The following TEX14 variants were observed in gnomAD, a reference collection of about 807,000 sequenced individuals.
TEX14 encodes the protein inactive serine/threonine-protein kinase TEX14.
TEX14 carries 168 observed loss-of-function variants against 178.6 expected under a neutral mutation model. The ratio of observed to expected loss-of-function variants is 0.94; its 90% CI spans 0.83 to 1.07. The LOEUF is 1.07. TEX14 is among the 50% of genes least tolerant of loss of function. The pLI, the probability that TEX14 is intolerant of heterozygous loss-of-function variation, is 0.00. For missense variants in TEX14, 1,730 were observed against 1,753.6 expected (o/e 0.99, Z 0.24); for synonymous variants, 626 against 634.1 (o/e 0.99, Z 0.19).
At chr17:58,580,419 C>T (rs567923739) in intron 19 of TEX14, among the ~76,000 whole-genome samples, 1 of 152,302 alleles carries the variant, frequency 6.6e-6, no homozygotes, top group East Asian at 1.9e-4. Flanking sequence ...TCAAGCAATT[C>T]TCCTGCCTCA....
chr17:58,616,912 T>C (rs2045885681), intron 6 of TEX14, among the ~76,000 whole-genome samples: 2 of 152,174 alleles, frequency 1.3e-5, no homozygotes, highest in African/African-American at 2.4e-5. Flanking sequence ...AAATCTGATA[T>C]TCCTCCTCTC....
intron 2 of TEX14, among the ~76,000 whole-genome samples, chr17:58,642,538 T>A (rs2046599100): frequency 6.7e-6 from 1 of 149,072 alleles, no homozygotes; most frequent in African/African-American, 2.5e-5. Context: ...TTTTATTTAT[T>A]TTTTTTTTTA....
intron 24 of TEX14, 50 bp downstream of exon 24, chr17:58,571,871 G>T: frequency 6.5e-7 from 1 of 1,526,856 alleles, no homozygotes; most frequent in Non-Finnish European, 9.1e-7. Context: ...GGGTCACTGG[G>T]CCCTTTGGGC....
At chr17:58,659,958 A>G (rs1010594205) in intron 1 of TEX14, among the ~76,000 whole-genome samples, 3 of 150,118 alleles carry the variant, frequency 2.0e-5, no homozygotes, top group African/African-American at 7.3e-5. Context: ...CGGCCTCCCA[A>G]AGTGCTGGGA....
chr17:58,684,829 A>G (rs2047565004), intron 1 of TEX14, among the ~76,000 whole-genome samples: 1 of 151,676 alleles, frequency 6.6e-6, no homozygotes, highest in African/African-American at 2.4e-5. Flanking sequence ...TACAAAAATT[A>G]GCTGGGCGTG....
intron 28 of TEX14, among the ~76,000 whole-genome samples, chr17:58,563,660 G>T (rs3890956): frequency 0.074 from 1,461 of 19,868 alleles, 1 homozygote; most frequent in East Asian, 0.13. Context: ...TATATATATA[G>T]AGAGAGAGAG....
At chr17:58,644,051 C>G (rs796894841) in intron 2 of TEX14, among the ~76,000 whole-genome samples, 5 of 151,960 alleles carry the variant, frequency 3.3e-5, no homozygotes, top group African/African-American at 1.2e-4. Context: ...CCAAAAAGAC[C>G]AAGCTATGAT....
chr17:58,621,333 G>A (rs1321835697), intron 5 of TEX14, among the ~76,000 whole-genome samples: 2 of 152,218 alleles, frequency 1.3e-5, no homozygotes, highest in South Asian at 2.1e-4. Context: ...CCAGCCAGGT[G>A]TCCTGCTGGG....
intron 25 of TEX14, among the ~76,000 whole-genome samples, chr17:58,570,028 T>C (rs1466632504): frequency 6.6e-6 from 1 of 152,128 alleles, no homozygotes; most frequent in Non-Finnish European, 1.5e-5. Context: ...ACTACATATA[T>C]TTATGAACAA....
At chr17:58,586,412 T>A (rs1243092406) in intron 17 of TEX14, among the ~76,000 whole-genome samples, 1 of 152,192 alleles carries the variant, frequency 6.6e-6, no homozygotes, top group African/African-American at 2.4e-5. Context: ...TCTTAGTGTG[T>A]AATAATAGAA....
chr17:58,576,465 G>A (rs573659520), intron 21 of TEX14, among the ~76,000 whole-genome samples: 5 of 151,538 alleles, frequency 3.3e-5, no homozygotes, highest in Non-Finnish European at 7.4e-5. Flanking sequence ...CTGAGATCAC[G>A]CCACTGCAGT....
intron 2 of TEX14, among the ~76,000 whole-genome samples, chr17:58,647,678 T>C (rs868021748): frequency 4.2e-4 from 64 of 151,710 alleles, no homozygotes; most frequent in Admixed American, 3.3e-4. Flanking sequence ...CAAATTCCAA[T>C]TTCTTTCTTT....
At chr17:58,669,499 G>A (rs888092071) in intron 1 of TEX14, among the ~76,000 whole-genome samples, 4 of 151,866 alleles carry the variant, frequency 2.6e-5, no homozygotes, top group Non-Finnish European at 4.4e-5. Flanking sequence ...TTCGGAGGCC[G>A]AGGTTAAGTG....
intron 24 of TEX14, among the ~76,000 whole-genome samples, chr17:58,571,239 T>C (rs28570278): frequency 6.8e-6 from 1 of 148,016 alleles, no homozygotes; most frequent in African/African-American, 2.5e-5. Context: ...TCTTTTCTTT[T>C]TTTTTTTTTT....
At chr17:58,557,901 C>A in intron 30 of TEX14, 51 bp from the exon 31 acceptor site, 1 of 1,438,414 alleles carries the variant, frequency 7.0e-7, no homozygotes, top group South Asian at 1.2e-5. Context: ...ATTTCTAGGT[C>A]AAAGGGTGCC....
rs1390007833 is a variant in TEX14, at chr17:58,593,588, C to T, written c.2543G>A (p.Ser848Asn). 1 of 1,614,136 alleles carries T rather than the reference C, an allele frequency of 6.2e-7. No individual in the cohort carries two copies. Among genetic ancestry groups the T allele is most frequent in the East Asian group, 2.2e-5 (1 of 44,886 alleles). ...QFQCTQGAKD[S>N]LETSRIQNTS... Reference sequence around the variant, plus strand: ...ATTTTGGATCCTGCTTGTTTCCAAACTGTCCTTGGCTCCTTGAGTGCACTG... The same window carrying T: ...ATTTTGGATCCTGCTTGTTTCCAAATTGTCCTTGGCTCCTTGAGTGCACTG... Residue 848 changes from serine (S) to asparagine (N), a missense_variant, in exon 15 of 32, where the codon AGT (serine) becomes AAT (asparagine). By Grantham distance (46) the Ser-to-Asn change is conservative (BLOSUM62 1). Transcript: ENST00000349033.
intron 19 of TEX14, among the ~76,000 whole-genome samples, chr17:58,581,401 C>G (rs1208780499): frequency 6.6e-6 from 1 of 151,648 alleles, no homozygotes; most frequent in African/African-American, 2.4e-5. Flanking sequence ...CTGCACATGA[C>G]TTCCCATCCT....
At chr17:58,570,025 A>G (rs189397562) in intron 25 of TEX14, among the ~76,000 whole-genome samples, 2 of 152,182 alleles carry the variant, frequency 1.3e-5, no homozygotes, top group Admixed American at 1.3e-4. Flanking sequence ...ACTACTACAT[A>G]TATTTATGAA....
intron 8 of TEX14, 104 bp from the exon 9 acceptor site, chr17:58,613,648 AC>A: frequency 8.0e-7 from 1 of 1,256,366 alleles, no homozygotes; most frequent in Non-Finnish European, 1.1e-6. Context: ...CCATTTGTAT[AC>A]GATGTTTTCT....
Sources: gnomAD v4.1 joint callset for allele counts (sites outside exome capture counted in the v4.1 genomes callset) on GRCh38, gnomAD v4.1.1 for gene constraint, MANE v1.5 for transcripts, NCBI Gene and HGNC (gene_info 2026-07-23, HGNC 2026-07-21) for gene names.